CDIN1: variants seen among roughly 807,000 people sequenced by gnomAD.
CDIN1 encodes the protein CDAN1 interacting nuclease 1, also known as CDAN1-interacting nuclease 1.
A neutral mutation model predicts 45.3 loss-of-function variants in CDIN1; 33 were observed. The ratio of observed to expected loss-of-function variants is 0.73; its 90% CI spans 0.55 to 0.97. The LOEUF (loss-of-function observed/expected upper bound fraction) is 0.97. CDIN1 is among the 50% of genes least tolerant of loss of function. The probability of loss-of-function intolerance (pLI) is 0.00; values close to 1 mark genes in which losing one functional copy is unlikely to be tolerated. For synonymous variants in CDIN1, 118 were observed against 124.4 expected (o/e 0.95, Z 0.34); for missense variants, 303 against 339.4 (o/e 0.89, Z 0.84).
intron 10 of CDIN1, among the ~76,000 whole-genome samples, chr15:36,782,343 G>T (rs1566969973): frequency 6.6e-6 from 1 of 152,124 alleles, no homozygotes; most frequent in Non-Finnish European, 1.5e-5. Context: ...TGATGCCACA[G>T]CCATTCACAT....
intron 1 of CDIN1, among the ~76,000 whole-genome samples, chr15:36,610,404 A>T (rs1458760495): frequency 3.3e-5 from 5 of 152,210 alleles, no homozygotes; most frequent in Non-Finnish European, 7.3e-5. Flanking sequence ...AAAATTATTA[A>T]TGTATGATTA....
At chr15:36,655,665 A>G (rs1196159922) in intron 4 of CDIN1, among the ~76,000 whole-genome samples, 1 of 152,292 alleles carries the variant, frequency 6.6e-6, no homozygotes, top group East Asian at 1.9e-4. Context: ...TGTTTGTTAC[A>G]AGTTTATGCT....
intron 1 of CDIN1, among the ~76,000 whole-genome samples, chr15:36,603,497 A>T (rs2038211651): frequency 6.6e-6 from 1 of 152,218 alleles, no homozygotes; most frequent in Admixed American, 6.5e-5. Flanking sequence ...GCATTTTCAT[A>T]AAACTTTCTC....
At chr15:36,803,220 C>A (rs1324782905) in intron 10 of CDIN1, among the ~76,000 whole-genome samples, 1 of 150,518 alleles carries the variant, frequency 6.6e-6, no homozygotes, top group Non-Finnish European at 1.5e-5. Flanking sequence ...ATGGAGAATT[C>A]TTTATTTTAT....
At chr15:36,605,347 T>C (rs544074463) in intron 1 of CDIN1, among the ~76,000 whole-genome samples, 15 of 152,328 alleles carry the variant, frequency 9.8e-5, no homozygotes, top group Non-Finnish European at 2.1e-4. Flanking sequence ...AAATCAATAA[T>C]GCTGTTTTTG....
chr15:36,613,775 G>A, intron 1 of CDIN1: 1 of 1,601,844 alleles, frequency 6.2e-7, no homozygotes, highest in African/African-American at 1.3e-5. Flanking sequence ...CTTAAAAGAT[G>A]AAGAAAAGAT....
At position 36,778,381 on chromosome 15, in the gene CDIN1, C is replaced by T. The variant is rs137999601; in HGVS notation, c.717-29943C>T. On this transcript the variant is annotated intron_variant, in intron 10 of 10. Transcript: ENST00000566621. ...AATCTGAAACTCCTTTTTATGGGTA[C>T]TTATCATTTTACCCTCTGCTACCTA... is the stretch of plus-strand genomic sequence containing the variant. Among the ~76,000 whole-genome samples the T allele has an allele frequency of 9.2e-5, 14 of 152,270 alleles. No individual in the cohort carries two copies. The East Asian group carries it at 2.7e-3, about 29-fold the overall frequency.
chr15:36,761,104 G>A (rs2053750376), intron 10 of CDIN1, among the ~76,000 whole-genome samples: 1 of 152,102 alleles, frequency 6.6e-6, no homozygotes. Context: ...AAAAGCTAAG[G>A]CACTTAACAA....
chr15:36,748,475 A>T (rs1409235887), intron 10 of CDIN1, among the ~76,000 whole-genome samples: 1 of 151,920 alleles, frequency 6.6e-6, no homozygotes, highest in African/African-American at 2.4e-5. Context: ...CTCCTTGCCC[A>T]ACAAAGTTTG....
At chr15:36,680,530 A>C (rs1456692886) in intron 5 of CDIN1, among the ~76,000 whole-genome samples, 43 of 152,282 alleles carry the variant, frequency 2.8e-4, no homozygotes, top group Non-Finnish European at 2.9e-5. Context: ...AAGAGAAGTA[A>C]AATCTTTGGG....
At chr15:36,774,320 T>G (rs1323996134) in intron 10 of CDIN1, among the ~76,000 whole-genome samples, 1 of 152,110 alleles carries the variant, frequency 6.6e-6, no homozygotes, top group Non-Finnish European at 1.5e-5. Flanking sequence ...CACGACCTAT[T>G]CCTACTCTGG....
intron 10 of CDIN1, among the ~76,000 whole-genome samples, chr15:36,735,126 T>C (rs1255996707): frequency 6.6e-6 from 1 of 152,214 alleles, no homozygotes; most frequent in Non-Finnish European, 1.5e-5. Context: ...ATTTGTTGCA[T>C]TTTGACTGTA....
chr15:36,668,877 G>A (rs2041346314), intron 5 of CDIN1: 1 of 152,036 alleles, frequency 6.6e-6, no homozygotes, highest in South Asian at 2.1e-4. Context: ...GATTAAAGAT[G>A]ATTTTGTAAA....
Position 36,579,695 on chromosome 15 carries a change from C to T in CDIN1, c.-166C>T. On this transcript the variant is annotated 5_prime_UTR_variant, in exon 1 of 11. Transcript: ENST00000566621. ...CCTGGGACCGGGCGAGTCTCCGCCCCGCTTTTGCAGCTAGGGGTGTGTTTC... is the reference window on the plus strand; with the variant it reads ...CCTGGGACCGGGCGAGTCTCCGCCCTGCTTTTGCAGCTAGGGGTGTGTTTC... The T allele has an allele frequency of 1.7e-6, 1 of 582,210 alleles. No homozygotes were observed. 36.1% of individuals were successfully genotyped at this position (582,210 alleles called of 1,614,324 possible). A position where few individuals can be genotyped will look rare whatever the true frequency, so the allele number is the denominator to read the frequency against.
At chr15:36,763,286 GTCT>G (rs1180813563) in intron 10 of CDIN1, among the ~76,000 whole-genome samples, 12 of 152,262 alleles carry the variant, frequency 7.9e-5, no homozygotes, top group African/African-American at 2.9e-4. Context: ...CTGCATAAAT[GTCT>G]TCTTTTGAGA....
chr15:36,684,626 A>G (rs932629814), intron 5 of CDIN1, among the ~76,000 whole-genome samples: 13 of 151,464 alleles, frequency 8.6e-5, no homozygotes, highest in African/African-American at 2.7e-4. Context: ...CTCTTTTTCT[A>G]TTGATTGGAA....
chr15:36,781,271 A>G (rs929719299), intron 10 of CDIN1, among the ~76,000 whole-genome samples: 10 of 152,206 alleles, frequency 6.6e-5, no homozygotes, highest in African/African-American at 2.4e-4. Flanking sequence ...ACATTCTAGT[A>G]CTCATATTTG....
intron 10 of CDIN1, among the ~76,000 whole-genome samples, chr15:36,718,053 T>C (rs1028789208): frequency 1.3e-5 from 2 of 152,144 alleles, no homozygotes; most frequent in African/African-American, 4.8e-5. Flanking sequence ...AGTGCATTTT[T>C]ATTTTATATT....
At chr15:36,710,821 T>A (rs1197801386) in intron 10 of CDIN1, among the ~76,000 whole-genome samples, 3 of 152,164 alleles carry the variant, frequency 2.0e-5, no homozygotes, top group Non-Finnish European at 4.4e-5. Flanking sequence ...AATAGCCTTG[T>A]CCTAGGGTAA....
Sources: gnomAD v4.1 joint callset for allele counts (sites outside exome capture counted in the v4.1 genomes callset) on GRCh38, gnomAD v4.1.1 for gene constraint, MANE v1.5 for transcripts, NCBI Gene and HGNC (gene_info 2026-07-23, HGNC 2026-07-21) for gene names.